Variants in PLD5 observed in about 807,000 individuals in gnomAD.
PLD5 encodes phospholipase D family member 5, also known as inactive phospholipase D5.
PLD5 carries 36 observed loss-of-function variants against 61.1 expected under a neutral mutation model. The ratio of observed to expected loss-of-function variants is 0.59; its 90% CI spans 0.45 to 0.78. PLD5 has a LOEUF of 0.78. Ranked by LOEUF, PLD5 falls within the 30% of genes least tolerant of loss-of-function variation. PLD5 has a pLI of 0.00. For missense variants in PLD5, 515 were observed against 644.4 expected (o/e 0.80, Z 2.17); for synonymous variants, 243 against 242.8 (o/e 1.00, Z -0.01).
At chr1:242,310,235 A>G (rs1189309154) in intron 2 of PLD5, among the ~76,000 whole-genome samples, 2 of 152,164 alleles carry the variant, frequency 1.3e-5, no homozygotes, top group Non-Finnish European at 2.9e-5. Flanking sequence ...CGCTGAGAGC[A>G]GACAGTCTAT....
chr1:242,275,048 TAC>T (rs1287286328), intron 3 of PLD5, among the ~76,000 whole-genome samples: 11 of 151,850 alleles, frequency 7.2e-5, no homozygotes, highest in African/African-American at 2.4e-4. Context: ...TTATCCTACT[TAC>T]ACACATATAT....
intron 1 of PLD5, among the ~76,000 whole-genome samples, chr1:242,445,117 T>C (rs1355300806): frequency 1.3e-5 from 2 of 152,158 alleles, no homozygotes; most frequent in African/African-American, 2.4e-5. Flanking sequence ...TATTAGAAGG[T>C]AGGGCATGTG....
chr1:242,148,635 A>G (rs894444772), intron 5 of PLD5, among the ~76,000 whole-genome samples: 4 of 151,990 alleles, frequency 2.6e-5, no homozygotes, highest in Non-Finnish European at 4.4e-5. Flanking sequence ...TAATATCTCC[A>G]TTTTAAAGTC....
At chr1:242,119,424 T>A (rs1662199637) in intron 6 of PLD5, among the ~76,000 whole-genome samples, 1 of 152,202 alleles carries the variant, frequency 6.6e-6, no homozygotes, top group Non-Finnish European at 1.5e-5. Flanking sequence ...TAGTAAGACC[T>A]TGTCTCTATA....
intron 1 of PLD5, among the ~76,000 whole-genome samples, chr1:242,452,111 AT>A (rs1240568422): frequency 6.6e-6 from 1 of 152,114 alleles, no homozygotes; most frequent in African/African-American, 2.4e-5. Flanking sequence ...GGGGCGCACC[AT>A]CCTTATGTCT....
chr1:242,184,558 T>A (rs1667753442), intron 5 of PLD5, among the ~76,000 whole-genome samples: 1 of 152,024 alleles, frequency 6.6e-6, no homozygotes, highest in Non-Finnish European at 1.5e-5. Context: ...TAGTAGAGAC[T>A]GGGTTTTGCC....
intron 5 of PLD5, among the ~76,000 whole-genome samples, chr1:242,184,597 G>A (rs1667755518): frequency 6.6e-6 from 1 of 152,112 alleles, no homozygotes; most frequent in African/African-American, 2.4e-5. Context: ...TCGAACTCCT[G>A]TCCTCAAGTG....
chr1:242,486,888 A>C (rs1667981371), intron 1 of PLD5, among the ~76,000 whole-genome samples: 1 of 151,650 alleles, frequency 6.6e-6, no homozygotes, highest in African/African-American at 2.4e-5. Flanking sequence ...GCCATAAAAA[A>C]GGATGAGTTC....
chr1:242,093,302 G>T (rs1659980984), intron 9 of PLD5, among the ~76,000 whole-genome samples: 1 of 152,128 alleles, frequency 6.6e-6, no homozygotes, highest in Non-Finnish European at 1.5e-5. Context: ...TTGCTCAGGT[G>T]TCCCCTGCCA....
chr1:242,311,044 CA>C (rs1468605328), intron 2 of PLD5, among the ~76,000 whole-genome samples: 2 of 151,710 alleles, frequency 1.3e-5, no homozygotes, highest in African/African-American at 2.4e-5. Context: ...ATACTATAAA[CA>C]AAAAAACCCT....
At chr1:242,185,132 C>T (rs1348870673) in intron 5 of PLD5, among the ~76,000 whole-genome samples, 1 of 152,190 alleles carries the variant, frequency 6.6e-6, no homozygotes, top group African/African-American at 2.4e-5. Context: ...ACCGGGAACA[C>T]ATACATTTGT....
At chr1:242,275,578 C>T (rs935503526) in intron 3 of PLD5, among the ~76,000 whole-genome samples, 3 of 152,052 alleles carry the variant, frequency 2.0e-5, no homozygotes, top group Admixed American at 1.3e-4. Flanking sequence ...GTGTCAGCGA[C>T]CTGAAAGTAC....
At chr1:242,430,507 G>GTA (rs1665659813) in intron 1 of PLD5, among the ~76,000 whole-genome samples, 5 of 152,148 alleles carry the variant, frequency 3.3e-5, no homozygotes, top group African/African-American at 4.8e-5. Flanking sequence ...TAGGGTTTCA[G>GTA]TATATATATT....
In PLD5 at chr1:242,465,980, T is replaced by C. The variant is rs114882078; in HGVS notation, c.189+58108A>G. Among the ~76,000 whole-genome samples, 591 of 152,262 alleles carry C rather than the reference T, an allele frequency of 3.9e-3. 1 individual carries two copies. Among genetic ancestry groups the C allele is most frequent in the Middle Eastern group, 0.017 (5 of 294 alleles). The stretch of plus-strand genomic sequence containing the variant: ...AGGCACATCCTTACCCAGTCTCAGA[T>C]GCTCTTCCTCTGGAAAACCACTTGG... On this transcript the variant is annotated intron_variant, in intron 1 of 9. Transcript: ENST00000536534.
chr1:242,280,103 TGA>T (rs1674637831), intron 3 of PLD5, among the ~76,000 whole-genome samples: 1 of 152,108 alleles, frequency 6.6e-6, no homozygotes, highest in Non-Finnish European at 1.5e-5. Context: ...AGCAATCAAA[TGA>T]GATAGGATTA....
At chr1:242,234,804 G>T (rs1384355926) in intron 4 of PLD5, among the ~76,000 whole-genome samples, 1 of 152,064 alleles carries the variant, frequency 6.6e-6, no homozygotes, top group Non-Finnish European at 1.5e-5. Context: ...GATGGGATGG[G>T]AAGGCAGAGT....
chr1:242,433,593 C>T (rs1171455013), intron 1 of PLD5, among the ~76,000 whole-genome samples: 1 of 152,190 alleles, frequency 6.6e-6, no homozygotes, highest in Non-Finnish European at 1.5e-5. Flanking sequence ...TTGACCCAGA[C>T]ATTTGGCACA....
At chr1:242,205,950 C>T (rs1435098689) in intron 5 of PLD5, among the ~76,000 whole-genome samples, 1 of 152,194 alleles carries the variant, frequency 6.6e-6, no homozygotes, top group Non-Finnish European at 1.5e-5. Context: ...TAATGTCAGG[C>T]TATGACCTCA....
At chr1:242,398,252 T>C (rs1663717077) in intron 1 of PLD5, among the ~76,000 whole-genome samples, 2 of 152,314 alleles carry the variant, frequency 1.3e-5, no homozygotes, top group Non-Finnish European at 2.9e-5. Flanking sequence ...GATTATCATA[T>C]GCAGGCCAAG....
Sources: gnomAD v4.1 joint callset for allele counts (sites outside exome capture counted in the v4.1 genomes callset) on GRCh38, gnomAD v4.1.1 for gene constraint, MANE v1.5 for transcripts, NCBI Gene and HGNC (gene_info 2026-07-23, HGNC 2026-07-21) for gene names.